The following KHDRBS2 variants were observed in gnomAD, a reference collection of about 807,000 sequenced individuals.
KHDRBS2 encodes the protein KH domain-containing, RNA-binding, signal transduction-associated protein 2.
A neutral mutation model predicts 44.3 loss-of-function variants in KHDRBS2; 26 were observed. That is an observed-to-expected ratio of 0.59 (90% CI 0.43 to 0.81). The LOEUF is 0.81. Among genes scored for constraint, KHDRBS2 ranks in the 40% least tolerant of loss-of-function variants. The pLI is 0.00. For synonymous variants in KHDRBS2, 194 were observed against 151.1 expected (o/e 1.28, Z -2.08); for missense variants, 476 against 433.1 (o/e 1.10, Z -0.88).
At chr6:62,162,568 G>A (rs1244665744) in intron 2 of KHDRBS2, among the ~76,000 whole-genome samples, 2 of 152,006 alleles carry the variant, frequency 1.3e-5, no homozygotes, top group African/African-American at 2.4e-5. Context: ...CAGTTGAAAC[G>A]GATCAAAATT....
the KHDRBS2 span, among the ~76,000 whole-genome samples, chr6:61,584,658 G>C: frequency 6.6e-6 from 1 of 151,734 alleles, no homozygotes; most frequent in South Asian, 2.1e-4. Context: ...ACTAACAAGA[G>C]ATTCAAGATC....
At chr6:61,994,307 C>T (rs569758282) in intron 3 of KHDRBS2, among the ~76,000 whole-genome samples, 1 of 152,236 alleles carries the variant, frequency 6.6e-6, no homozygotes, top group South Asian at 2.1e-4. Context: ...TAGAACTCAC[C>T]TCTAAAAGAA....
the KHDRBS2 span, among the ~76,000 whole-genome samples, chr6:61,588,615 C>A: frequency 6.6e-6 from 1 of 152,004 alleles, no homozygotes; most frequent in Non-Finnish European, 1.5e-5. Context: ...AGACCCTTGT[C>A]TCTACAAAAA....
At chr6:61,782,060 A>G (rs140186203) in intron 6 of KHDRBS2, among the ~76,000 whole-genome samples, 72 of 152,202 alleles carry the variant, frequency 4.7e-4, no homozygotes, top group African/African-American at 1.7e-3. Flanking sequence ...TTAGAGATGA[A>G]GATCCAGTCT....
chr6:62,020,763 T>C (rs376437836), intron 3 of KHDRBS2, among the ~76,000 whole-genome samples: 60 of 152,176 alleles, frequency 3.9e-4, no homozygotes, highest in African/African-American at 1.3e-3. Context: ...CCCAGCTTCC[T>C]GTTGATTGGT....
At chr6:62,173,918 TA>T (rs1820578271) in intron 2 of KHDRBS2, among the ~76,000 whole-genome samples, 1 of 151,868 alleles carries the variant, frequency 6.6e-6, no homozygotes, top group South Asian at 2.1e-4. Context: ...TATTTCAAAA[TA>T]ATAAGAGCCA....
the KHDRBS2 span, among the ~76,000 whole-genome samples, chr6:61,543,169 A>G: frequency 6.6e-6 from 1 of 152,036 alleles, no homozygotes; most frequent in African/African-American, 2.4e-5. Flanking sequence ...TACAAAATGG[A>G]CAGACAACCC....
intron 1 of KHDRBS2, among the ~76,000 whole-genome samples, chr6:62,242,378 G>A (rs1834815448): frequency 6.6e-6 from 1 of 152,178 alleles, no homozygotes; most frequent in Non-Finnish European, 1.5e-5. Context: ...CTCAACTACT[G>A]ACATTTCAGG....
chr6:61,785,661 A>T (rs1437310925), intron 6 of KHDRBS2, among the ~76,000 whole-genome samples: 1 of 152,108 alleles, frequency 6.6e-6, no homozygotes, highest in Admixed American at 6.6e-5. Context: ...AGGAAGATGA[A>T]GAAGTATTGG....
intron 6 of KHDRBS2, among the ~76,000 whole-genome samples, chr6:61,762,427 T>C (rs931505788): frequency 2.6e-5 from 4 of 152,270 alleles, no homozygotes; most frequent in Non-Finnish European, 4.4e-5. Context: ...ATGGGAGGTG[T>C]TTGAGTCATG....
rs56386313 is a variant in KHDRBS2 at position 61,723,156 on chromosome 6, AAAACAAAC to A, written c.893+9518_893+9525del. ...CTATAGACAAGTGGCCTGACCATAA[AAAACAAAC>A]AAACAAACAAACAAACAGAAAACAA... On this transcript the variant is annotated intron_variant, in intron 7 of 8. Coordinates refer to ENST00000281156, the MANE Select transcript of KHDRBS2 (RefSeq NM_152688.4). Among the ~76,000 whole-genome samples the A allele has an allele frequency of 1.1e-3, 167 of 150,502 alleles. 2 individuals are homozygous for A. The highest frequency in any genetic ancestry group is 3.1e-4 in the Non-Finnish European group (21 of 67,694).
intron 6 of KHDRBS2, among the ~76,000 whole-genome samples, chr6:61,859,531 T>A (rs568215579): frequency 2.6e-5 from 4 of 151,832 alleles, no homozygotes; most frequent in Non-Finnish European, 5.9e-5. Flanking sequence ...TACTAATTGA[T>A]CCAAATCCCT....
Position 62,177,286 on chromosome 6 carries a change from C to G in KHDRBS2, c.118G>C (p.Gly40Arg), listed in dbSNP as rs771921548. The G allele has an allele frequency of 1.8e-5, 29 of 1,598,016 alleles. No individual in the cohort carries two copies. The highest frequency in any genetic ancestry group is 2.5e-5 in the Non-Finnish European group (29 of 1,169,660). ...TTCTTTTCTTCGTCTTCCTTTTTTCCATCAGAACCTTGAAACTTTTCAATT... is the reference window on the plus strand; with the variant it reads ...TTCTTTTCTTCGTCTTCCTTTTTTCGATCAGAACCTTGAAACTTTTCAATT... ...EEIEKFQGSD[G>R]KKEDEEKKYL... The change falls in exon 2 of 9, where the codon GGA (glycine) becomes CGA (arginine). Residue 40 changes from glycine to arginine, a missense_variant. Coordinates refer to ENST00000281156, the MANE Select transcript of KHDRBS2 (RefSeq NM_152688.4).
intron 6 of KHDRBS2, among the ~76,000 whole-genome samples, chr6:61,851,124 G>C (rs1008638743): frequency 6.6e-6 from 1 of 151,484 alleles, no homozygotes; most frequent in African/African-American, 2.4e-5. Context: ...ATATTGTTAG[G>C]ATTAACTATC....
At chr6:61,895,760 A>G (rs1469144715) in intron 5 of KHDRBS2, among the ~76,000 whole-genome samples, 2 of 152,204 alleles carry the variant, frequency 1.3e-5, no homozygotes, top group Admixed American at 6.5e-5. Context: ...CAGTGGGAAC[A>G]CTAAAGCTTT....
intron 7 of KHDRBS2, among the ~76,000 whole-genome samples, chr6:61,701,753 G>A (rs1768719607): frequency 6.6e-6 from 1 of 151,856 alleles, no homozygotes; most frequent in African/African-American, 2.4e-5. Flanking sequence ...CTCTTGGCAG[G>A]ATTTTATAAC....
intron 2 of KHDRBS2, among the ~76,000 whole-genome samples, chr6:62,132,386 C>A (rs190914467): frequency 9.3e-4 from 141 of 152,182 alleles, no homozygotes; most frequent in African/African-American, 3.4e-3. Context: ...AAATCATTAC[C>A]TCCTGGGAAC....
At chr6:61,774,349 C>T (rs1189084596) in intron 6 of KHDRBS2, among the ~76,000 whole-genome samples, 1 of 151,640 alleles carries the variant, frequency 6.6e-6, no homozygotes, top group Non-Finnish European at 1.5e-5. Flanking sequence ...TGAAGAGGTC[C>T]AATCATGTCC....
chr6:62,268,810 T>C (rs1038612518), intron 1 of KHDRBS2, among the ~76,000 whole-genome samples: 2 of 151,962 alleles, frequency 1.3e-5, no homozygotes, highest in Non-Finnish European at 2.9e-5. Context: ...TATAAACAAA[T>C]ACCATGCTTA....
Sources: gnomAD v4.1 joint callset for allele counts (sites outside exome capture counted in the v4.1 genomes callset) on GRCh38, gnomAD v4.1.1 for gene constraint, MANE v1.5 for transcripts, NCBI Gene and HGNC (gene_info 2026-07-23, HGNC 2026-07-21) for gene names.